RBFOX1: variants seen among roughly 807,000 people sequenced by gnomAD.
RBFOX1 encodes the protein RNA binding protein fox-1 homolog 1.
Under a neutral mutation model 57.7 loss-of-function variants are expected in RBFOX1, and 8 were observed. The observed-to-expected ratio is 0.14, with a 90% CI of 0.08 to 0.25. The LOEUF is 0.25. RBFOX1 is among the 10% of genes least tolerant of loss of function. The pLI, the probability that RBFOX1 is intolerant of heterozygous loss-of-function variation, is 1.00. For missense variants in RBFOX1, 611 were observed against 548.5 expected (o/e 1.11, Z -1.14); for synonymous variants, 326 against 222.4 (o/e 1.47, Z -4.15).
intron 4 of RBFOX1, among the ~76,000 whole-genome samples, chr16:5,879,119 G>C (rs1452305534): frequency 2.0e-5 from 3 of 152,172 alleles, no homozygotes; most frequent in Non-Finnish European, 2.9e-5. Flanking sequence ...GCAAAGCTCA[G>C]AGCTGCTTGC....
chr16:5,827,329 G>A (rs1413782420), intron 3 of RBFOX1, among the ~76,000 whole-genome samples: 1 of 151,396 alleles, frequency 6.6e-6, no homozygotes, highest in East Asian at 1.9e-4. Context: ...GAGCCCAGGG[G>A]GCGGATGTTG....
chr16:6,804,795 A>G (rs117352013), intron 3 of RBFOX1, among the ~76,000 whole-genome samples: 1,703 of 152,286 alleles, frequency 0.011, 19 homozygotes, highest in Non-Finnish European at 0.019. Context: ...ATTGCCAAGT[A>G]TGTGCATTTG....
intron 4 of RBFOX1, among the ~76,000 whole-genome samples, chr16:7,401,061 C>T (rs1185134677): frequency 6.6e-6 from 1 of 152,082 alleles, no homozygotes; most frequent in Admixed American, 6.5e-5. Flanking sequence ...AGGGGGTATC[C>T]AAAATACAGT....
chr16:6,638,316 A>G (rs1300315216), intron 2 of RBFOX1, among the ~76,000 whole-genome samples: 1 of 152,188 alleles, frequency 6.6e-6, no homozygotes, highest in East Asian at 1.9e-4. Context: ...AGTGTTTTAA[A>G]GAATAAGTTA....
At chr16:5,998,632 C>T (rs550675179) in intron 4 of RBFOX1, among the ~76,000 whole-genome samples, 14 of 152,286 alleles carry the variant, frequency 9.2e-5, no homozygotes, top group African/African-American at 3.4e-4. Context: ...AGCCACCTCC[C>T]TCACCCTTTT....
chr16:6,670,882 C>G (rs967129574), intron 3 of RBFOX1, among the ~76,000 whole-genome samples: 1 of 151,990 alleles, frequency 6.6e-6, no homozygotes, highest in Non-Finnish European at 1.5e-5. Flanking sequence ...AGCCTGTAGT[C>G]CCAGCTACTT....
intron 3 of RBFOX1, among the ~76,000 whole-genome samples, chr16:6,996,210 T>A (rs1352628059): frequency 6.6e-6 from 1 of 152,230 alleles, no homozygotes; most frequent in Non-Finnish European, 1.5e-5. Context: ...TTCCTAGCCA[T>A]CTTGAATACA....
At chr16:6,214,629 CAGGG>C (rs2097320895) in intron 1 of RBFOX1, among the ~76,000 whole-genome samples, 1 of 63,024 alleles carries the variant, frequency 1.6e-5, no homozygotes, top group Non-Finnish European at 2.9e-5. Flanking sequence ...GGGAGAAAGA[CAGGG>C]AGAGGGAGAG....
intron 3 of RBFOX1, among the ~76,000 whole-genome samples, chr16:5,811,174 A>C (rs1475342881): frequency 9.6e-6 from 1 of 103,848 alleles, no homozygotes; most frequent in African/African-American, 4.0e-5. Context: ...TTTGAGATGG[A>C]GTCTGTCACC....
intron 12 of RBFOX1, among the ~76,000 whole-genome samples, chr16:7,658,591 C>T (rs917814173): frequency 2.6e-5 from 4 of 152,252 alleles, no homozygotes; most frequent in South Asian, 2.1e-4. Flanking sequence ...GAGACAAACC[C>T]TGTAGACTTA....
intron 2 of RBFOX1, among the ~76,000 whole-genome samples, chr16:6,572,824 C>A (rs779866875): frequency 1.3e-5 from 2 of 152,098 alleles, no homozygotes; most frequent in Middle Eastern, 3.2e-3. Flanking sequence ...GAACTCCTGA[C>A]CTCAAGTGAT....
intron 4 of RBFOX1, among the ~76,000 whole-genome samples, chr16:5,908,227 C>CATATATAT (rs2058519968): frequency 6.9e-6 from 1 of 144,340 alleles, no homozygotes; most frequent in Non-Finnish European, 1.5e-5. Context: ...CATATATACA[C>CATATATAT]ACATATATAT....
intron 4 of RBFOX1, among the ~76,000 whole-genome samples, chr16:7,101,262 G>C (rs2062643037): frequency 6.6e-6 from 1 of 152,172 alleles, no homozygotes; most frequent in African/African-American, 2.4e-5. Context: ...AACCGAGTGA[G>C]TGCAGTGCCA....
intron 5 of RBFOX1, among the ~76,000 whole-genome samples, chr16:7,525,836 G>A (rs146079918): frequency 3.9e-5 from 6 of 152,290 alleles, no homozygotes; most frequent in African/African-American, 1.4e-4. Flanking sequence ...GAAAGAGGTT[G>A]AAGATGTTTT....
At chr16:6,063,499 ACACACACC>A (rs550019867) in intron 1 of RBFOX1, among the ~76,000 whole-genome samples, 45,312 of 121,444 alleles carry the variant, frequency 0.37, 7,547 homozygotes, top group Non-Finnish European at 0.42. Flanking sequence ...ACACACACAC[ACACACACC>A]CCCTTATATT....
chr16:6,767,411 T>C (rs2077489335), intron 3 of RBFOX1, among the ~76,000 whole-genome samples: 1 of 152,184 alleles, frequency 6.6e-6, no homozygotes, highest in Non-Finnish European at 1.5e-5. Context: ...TGAGTTCCAA[T>C]TCTCTGAATG....
intron 2 of RBFOX1, among the ~76,000 whole-genome samples, chr16:6,322,413 A>G (rs892382480): frequency 6.6e-6 from 1 of 152,156 alleles, no homozygotes; most frequent in Non-Finnish European, 1.5e-5. Flanking sequence ...CCCAGCTCCA[A>G]GCACTTGCTA....
At chr16:5,786,757 C>T (rs945329803) in intron 3 of RBFOX1, among the ~76,000 whole-genome samples, 2 of 152,202 alleles carry the variant, frequency 1.3e-5, no homozygotes, top group African/African-American at 4.8e-5. Flanking sequence ...GGCTTCATGT[C>T]AGACTCTTAA....
At chr16:5,272,075 C>T (rs577770610) in intron 1 of RBFOX1, among the ~76,000 whole-genome samples, 3 of 152,228 alleles carry the variant, frequency 2.0e-5, no homozygotes, top group African/African-American at 7.2e-5. Flanking sequence ...TGTAGAGATC[C>T]CTTCAACATA....
Sources: gnomAD v4.1 joint callset for allele counts (sites outside exome capture counted in the v4.1 genomes callset) on GRCh38, gnomAD v4.1.1 for gene constraint, MANE v1.5 for transcripts, NCBI Gene and HGNC (gene_info 2026-07-23, HGNC 2026-07-21) for gene names.